The following MRPS34 variants were observed in gnomAD, a reference collection of about 807,000 sequenced individuals.
The protein encoded by MRPS34 is small ribosomal subunit protein mS34.
A neutral mutation model predicts 13.3 loss-of-function variants in MRPS34; 12 were observed. That is an observed-to-expected ratio of 0.90 (90% CI 0.58 to 1.46). The LOEUF (loss-of-function observed/expected upper bound fraction) is 1.46, where lower values mean the gene tolerates loss of function less well. Among genes scored for constraint, MRPS34 ranks in the 40% most tolerant of loss-of-function variants. The pLI is 0.00. For synonymous variants in MRPS34, 181 were observed against 149.3 expected (o/e 1.21, Z -1.55); for missense variants, 419 against 335.3 (o/e 1.25, Z -1.95).
In MRPS34 at chr16:1,772,404, T is replaced by C; in HGVS notation, c.474A>G (p.Glu158=). The C allele has an allele frequency of 6.2e-7, 1 of 1,611,936 alleles. No homozygotes were observed. Among genetic ancestry groups the C allele is most frequent in the Non-Finnish European group, 8.5e-7 (1 of 1,179,968 alleles). ...GGTACGGCACGGAGGCCAGGCTGTC[T>C]TCCGGCGCCGGCGTGAACGCGGTGA... is the stretch of plus-strand genomic sequence containing the variant. ...EAFTAFTPAP[E]DSLASVPYPP... Residue 158 remains glutamate, a synonymous_variant, in exon 3 of 3, where the codon GAA becomes GAG. Coordinates refer to ENST00000397375, the MANE Select transcript of MRPS34 (RefSeq NM_023936.2).
In MRPS34 at chr16:1,772,066, C is replaced by T. The variant is rs1463043647; in HGVS notation, c.*155G>A. 2.5e-6 allele frequency: 2 copies of T among 812,340 alleles called. No individual in the cohort carries two copies. Among genetic ancestry groups the T allele is most frequent in the Admixed American group, 2.4e-5 (1 of 42,508 alleles). The allele number at this position is 812,340 out of a possible 1,614,324, so 50.3% of individuals were successfully genotyped here. A position where few individuals can be genotyped will look rare whatever the true frequency, so the allele number is the denominator to read the frequency against. On this transcript the variant is annotated 3_prime_UTR_variant, in exon 3 of 3. Transcript: ENST00000397375. ...GGCACAGGTGGCGATTTGCCCCAGC[C>T]CTCCCCCCTAAGATGCAGACCCTCA...
At position 1,772,479 on chromosome 16, in the gene MRPS34, G is replaced by T. The variant is rs1291905705; in HGVS notation, c.399C>A (p.His133Gln). Residue 133 changes from histidine to glutamine, a missense_variant, in exon 3 of 3, where the codon CAC becomes CAA. His to Gln is a conservative substitution (Grantham distance 24). Coordinates refer to ENST00000397375, the MANE Select transcript of MRPS34 (RefSeq NM_023936.2). ...CCAGCCGCCAGTCATGGTACATGAC[G>T]TGTTCGATCTCCCGCGCCTCGCTCT... Reference protein sequence around the residue: ...KTESEAREIEHVMYHDWRLVP... With the variant: ...KTESEAREIEQVMYHDWRLVP... 5 of 1,611,652 alleles carry T rather than the reference G, an allele frequency of 3.1e-6. No individual in the cohort carries two copies. Among genetic ancestry groups the T allele is most frequent in the Non-Finnish European group, 3.4e-6 (4 of 1,179,400 alleles).
chr16:1,773,082 T>G lies in MRPS34; in HGVS notation c.38A>C (p.Glu13Ala). The G allele has an allele frequency of 1.4e-6, 2 of 1,411,306 alleles. No individual in the cohort carries two copies. The highest frequency in any genetic ancestry group is 1.8e-6 in the Non-Finnish European group (2 of 1,086,496). The allele number at this position is 1,411,306 out of a possible 1,614,324, so 87.4% of individuals were successfully genotyped here. The change falls in exon 1 of 3, where the codon GAG (glutamate) becomes GCG (alanine). Residue 13 changes from glutamate to alanine, a missense_variant. By Grantham distance (107) the Glu-to-Ala change is moderately radical. Transcript: ENST00000397375. Reference protein sequence around the residue: ...RKKVRPRLIAELARRVRALRE... With the variant: ...RKKVRPRLIAALARRVRALRE... ...CAGGGCGCGCACGCGGCGGGCCAGCTCCGCGATCAGCCGCGGACGCACCTT... is the reference window on the plus strand; with the variant it reads ...CAGGGCGCGCACGCGGCGGGCCAGCGCCGCGATCAGCCGCGGACGCACCTT...
In MRPS34 at chr16:1,773,039, C is replaced by G. The variant is rs1427890180; in HGVS notation, c.81G>C (p.Arg27Ser). 1.9e-5 allele frequency: 27 copies of G among 1,435,908 alleles called. No individual in the cohort carries two copies. Among genetic ancestry groups the G allele is most frequent in the Non-Finnish European group, 2.5e-5 (27 of 1,096,352 alleles). The allele number at this position is 1,435,908 out of a possible 1,614,324, so 88.9% of individuals were successfully genotyped here. The change falls in exon 1 of 3, where the codon AGG (arginine) becomes AGC (serine). Residue 27 changes from arginine to serine, a missense_variant. Coordinates refer to ENST00000397375, the MANE Select transcript of MRPS34 (RefSeq NM_023936.2). ...CCGCGTAGAGCTGGGAGTCGCGCGGCCTGTTCAGTTGCTCCCGCAGGGCGC... is the reference window on the plus strand; with the variant it reads ...CCGCGTAGAGCTGGGAGTCGCGCGGGCTGTTCAGTTGCTCCCGCAGGGCGC... ...RVRALREQLN[R>S]PRDSQLYAVD...
At position 1,772,324 on chromosome 16, in the gene MRPS34, C is replaced by T; in HGVS notation, c.554G>A (p.Ser185Asn). The change falls in exon 3 of 3, where the codon AGC becomes AAC. Residue 185 changes from serine (S) to asparagine (N), a missense_variant. Coordinates refer to ENST00000397375, the MANE Select transcript of MRPS34 (RefSeq NM_023936.2). ...CACATTCAGCATGGGCTCCTCGGTG[C>T]TTGTGTCTCCATTTTTCTGTCGTTC... is the stretch of plus-strand genomic sequence containing the variant. ...IAERQKNGDT[S>N]TEEPMLNVQR... The T allele has an allele frequency of 6.2e-7, 1 of 1,613,116 alleles. No individual in the cohort carries two copies. The highest frequency in any genetic ancestry group is 1.7e-5 in the Admixed American group (1 of 60,030).
At position 1,772,838 on chromosome 16, in the gene MRPS34, G is replaced by T; in HGVS notation, c.282C>A (p.Tyr94Ter). The change falls in exon 1 of 3, where the codon TAC becomes TAA. Residue 94 changes from tyrosine (Y) to a stop codon, truncating the protein, a stop_gained. Transcript: ENST00000397375. LOFTEE classifies it high-confidence loss of function. ...SWLWQHDEPCYWRLTRVRPDY... is the reference protein window; with the variant it reads ...SWLWQHDEPC ...CGGGCCGCACCCGCGTGAGGCGCCA[G>T]TAGCACGGCTCGTCGTGCTGCCACA... 1 of 1,444,476 alleles carries T rather than the reference G, an allele frequency of 6.9e-7. No individual in the cohort carries two copies. The highest frequency in any genetic ancestry group is 1.4e-5 in the South Asian group (1 of 69,734). The allele number at this position is 1,444,476 out of a possible 1,614,324, so 89.5% of individuals were successfully genotyped here.
At position 1,772,236 on chromosome 16, in the gene MRPS34, C is replaced by T. The variant is rs149572684; in HGVS notation, c.642G>A (p.Lys214=). The stretch of plus-strand genomic sequence containing the variant: ...TTCTGGCATTCTAGACGGGGGTGCC[C>T]TTGGCCCTTCCTTTGTCTTCCTGTT... The part of the protein sequence containing the change: ...PAKQEDKGRA[K]GTPV The change falls in exon 3 of 3, where the codon AAG becomes AAA. Residue 214 remains lysine (K), a synonymous_variant. Transcript: ENST00000397375. 1.2e-6 allele frequency: 2 copies of T among 1,607,768 alleles called. No individual in the cohort carries two copies. Among genetic ancestry groups the T allele is most frequent in the Non-Finnish European group, 1.7e-6 (2 of 1,178,896 alleles).
At position 1,772,598 on chromosome 16, in the gene MRPS34, C is replaced by G; in HGVS notation, c.364+6G>C. 6.2e-7 allele frequency: 1 copy of G among 1,612,116 alleles called. No individual in the cohort carries two copies. The highest frequency in any genetic ancestry group is 1.1e-5 in the South Asian group (1 of 91,090). ...ACTGCCGGGCACCCGCTCTCCCGAG[C>G]CTTACCTTTGAAGGTCAGGATGCCC... On this transcript the variant is annotated splice_donor_region_variant and intron_variant, in intron 2 of 2. Transcript: ENST00000397375.
Position 1,773,039 on chromosome 16 carries a change from C to T in MRPS34, c.81G>A (p.Arg27=), listed in dbSNP as rs1427890180. Residue 27 remains arginine, a synonymous_variant, in exon 1 of 3, where the codon AGG becomes AGA. Transcript: ENST00000397375. ...RVRALREQLN[R]PRDSQLYAVD... ...CCGCGTAGAGCTGGGAGTCGCGCGG[C>T]CTGTTCAGTTGCTCCCGCAGGGCGC... The T allele has an allele frequency of 1.1e-5, 16 of 1,435,908 alleles. No individual in the cohort carries two copies. In the African/African-American group the frequency reaches 1.4e-4, roughly 12 times the overall value. The allele number at this position is 1,435,908 out of a possible 1,614,324, so 88.9% of individuals were successfully genotyped here.
chr16:1,772,012 G>T lies in MRPS34; in HGVS notation c.*209C>A. On this transcript the variant is annotated 3_prime_UTR_variant, in exon 3 of 3. Transcript: ENST00000397375. ...TTCCCCAGCGTGGGCCCTCGGAGTT[G>T]GGTGTGGGGGCAGCAGGGCCAGAGG... is the stretch of plus-strand genomic sequence containing the variant. 1.7e-6 allele frequency: 1 copy of T among 603,558 alleles called. No homozygotes were observed. The highest frequency in any genetic ancestry group is 2.9e-6 in the Non-Finnish European group (1 of 342,678). The allele number at this position is 603,558 out of a possible 1,614,324, so 37.4% of individuals were successfully genotyped here. A position where few individuals can be genotyped will look rare whatever the true frequency, so the allele number is the denominator to read the frequency against.
In MRPS34 at chr16:1,772,227, G is replaced by C; in HGVS notation, c.651C>G (p.Pro217=). The change falls in exon 3 of 3, where the codon CCC becomes CCG. Residue 217 remains proline, a synonymous_variant. Coordinates refer to ENST00000397375, the MANE Select transcript of MRPS34 (RefSeq NM_023936.2). Reference sequence around the variant, plus strand: ...ACCCGCTGGTTCTGGCATTCTAGACGGGGGTGCCCTTGGCCCTTCCTTTGT... The same window carrying C: ...ACCCGCTGGTTCTGGCATTCTAGACCGGGGTGCCCTTGGCCCTTCCTTTGT... ...QEDKGRAKGT[P]V 6.2e-7 allele frequency: 1 copy of C among 1,602,476 alleles called. No homozygotes were observed. Among genetic ancestry groups the C allele is most frequent in the Non-Finnish European group, 8.5e-7 (1 of 1,175,556 alleles).
chr16:1,773,106 T>G lies in MRPS34; in HGVS notation c.14A>C (p.Lys5Thr). 7.9e-6 allele frequency: 11 copies of G among 1,398,742 alleles called. No homozygotes were observed. The highest frequency in any genetic ancestry group is 1.0e-5 in the Non-Finnish European group (11 of 1,081,758). The allele number at this position is 1,398,742 out of a possible 1,614,324, so 86.6% of individuals were successfully genotyped here. A position where few individuals can be genotyped will look rare whatever the true frequency, so the allele number is the denominator to read the frequency against. MARK[K>T]VRPRLIAELA... ...CTCCGCGATCAGCCGCGGACGCACCTTCTTCCGCGCCATGGCGGGTCCGCG... is the reference window on the plus strand; with the variant it reads ...CTCCGCGATCAGCCGCGGACGCACCGTCTTCCGCGCCATGGCGGGTCCGCG... The change falls in exon 1 of 3, where the codon AAG becomes ACG. Residue 5 changes from lysine to threonine, a missense_variant. By Grantham distance (78) the Lys-to-Thr change is moderately conservative (BLOSUM62 -1). Transcript: ENST00000397375.
Position 1,772,758 on chromosome 16 carries a change from C to A in MRPS34, c.321+41G>T, listed in dbSNP as rs1567225545. 2.0e-6 allele frequency: 3 copies of A among 1,516,696 alleles called. No individual in the cohort carries two copies. The East Asian group carries it at 7.2e-5, about 37-fold the overall frequency. 94.0% of individuals were successfully genotyped at this position (1,516,696 alleles called of 1,614,324 possible). ...CAGGGAGGAGGGGAGGCGGGGAGAC[C>A]AGGCGGCTGCAGGGGCGGGGTGCGG... On this transcript the variant is annotated intron_variant, in intron 1 of 2. Transcript: ENST00000397375.
rs778740150 is a variant in MRPS34, at chr16:1,772,597, G to A, written c.364+7C>T. ...AACTGCCGGGCACCCGCTCTCCCGA[G>A]CCTTACCTTTGAAGGTCAGGATGCC... On this transcript the variant is annotated splice_region_variant and intron_variant, in intron 2 of 2. Transcript: ENST00000397375. 2.5e-6 allele frequency: 4 copies of A among 1,612,016 alleles called. No individual in the cohort carries two copies. The highest frequency in any genetic ancestry group is 3.4e-6 in the Non-Finnish European group (4 of 1,179,944).
rs767286012 is a variant in MRPS34, at chr16:1,772,256, C to T, written c.622G>A (p.Glu208Lys). Residue 208 changes from glutamate (E) to lysine (K), a missense_variant, in exon 3 of 3, where the codon GAA becomes AAA. Transcript: ENST00000397375. ...MEPWDYPAKQ[E>K]DKGRAKGTPV is the part of the protein sequence containing the mutation. Reference sequence around the variant, plus strand: ...GTGCCCTTGGCCCTTCCTTTGTCTTCCTGTTTTGCAGGGTAATCCCAGGGT... The same window carrying T: ...GTGCCCTTGGCCCTTCCTTTGTCTTTCTGTTTTGCAGGGTAATCCCAGGGT... 5.6e-6 allele frequency: 9 copies of T among 1,611,050 alleles called. No individual in the cohort carries two copies. Among genetic ancestry groups the T allele is most frequent in the African/African-American group, 4.0e-5 (3 of 74,940 alleles).
chr16:1,772,950 T>G lies in MRPS34; in HGVS notation c.170A>C (p.Asp57Ala). ...GRRLPVRAWA[D>A]VRRESRLLQL... is the part of the protein sequence containing the mutation. ...CAAGAGGCGGCTCTCGCGGCGCACGTCGGCCCAGGCCCGGACCGGCAGCCG... is the reference window on the plus strand; with the variant it reads ...CAAGAGGCGGCTCTCGCGGCGCACGGCGGCCCAGGCCCGGACCGGCAGCCG... Residue 57 changes from aspartate to alanine, a missense_variant, in exon 1 of 3, where the codon GAC becomes GCC. Asp to Ala is a moderately radical substitution (Grantham distance 126, BLOSUM62 -2). Transcript: ENST00000397375. 1 of 1,448,364 alleles carries G rather than the reference T, an allele frequency of 6.9e-7. No individual in the cohort carries two copies. The highest frequency in any genetic ancestry group is 9.0e-7 in the Non-Finnish European group (1 of 1,105,866). 89.7% of individuals were successfully genotyped at this position (1,448,364 alleles called of 1,614,324 possible).
In MRPS34 at chr16:1,772,755, G is replaced by C. The variant is rs1226910401; in HGVS notation, c.321+44C>G. 2.0e-6 allele frequency: 3 copies of C among 1,525,564 alleles called. No individual in the cohort carries two copies. The South Asian group carries it at 3.6e-5, about 18-fold the overall frequency. 94.5% of individuals were successfully genotyped at this position (1,525,564 alleles called of 1,614,324 possible). A position where few individuals can be genotyped will look rare whatever the true frequency, so the allele number is the denominator to read the frequency against. On this transcript the variant is annotated intron_variant, in intron 1 of 2. Transcript: ENST00000397375. Reference sequence around the variant, plus strand: ...CTGCAGGGAGGAGGGGAGGCGGGGAGACCAGGCGGCTGCAGGGGCGGGGTG... The same window carrying C: ...CTGCAGGGAGGAGGGGAGGCGGGGACACCAGGCGGCTGCAGGGGCGGGGTG...
In MRPS34 at chr16:1,772,384, G is replaced by C. The variant is rs769531720; in HGVS notation, c.494C>G (p.Pro165Arg). Residue 165 changes from proline to arginine, a missense_variant, in exon 3 of 3, where the codon CCG (proline) becomes CGG (arginine). Pro to Arg is a moderately radical substitution (Grantham distance 103, BLOSUM62 -2). Transcript: ENST00000397375. ...PAPEDSLASV[P>R]YPPLLRAMII... ...CATGGCCCGGAGGAGAGGCGGGTAC[G>C]GCACGGAGGCCAGGCTGTCTTCCGG... is the stretch of plus-strand genomic sequence containing the variant. The C allele has an allele frequency of 5.6e-6, 9 of 1,611,944 alleles. No homozygotes were observed. Among genetic ancestry groups the C allele is most frequent in the East Asian group, 4.5e-5 (2 of 44,864 alleles).
At position 1,772,979 on chromosome 16, in the gene MRPS34, T is replaced by G. The variant is rs1188310963; in HGVS notation, c.141A>C (p.Gly47=). The G allele has an allele frequency of 2.1e-6, 3 of 1,449,406 alleles. No homozygotes were observed. Among genetic ancestry groups the G allele is most frequent in the African/African-American group, 3.0e-5 (2 of 66,896 alleles). The allele number at this position is 1,449,406 out of a possible 1,614,324, so 89.8% of individuals were successfully genotyped here. ...CCCAGGCCCGGACCGGCAGCCGGCGTCCAGAGAACGGCCGCGTCAAGGTCT... is the reference window on the plus strand; with the variant it reads ...CCCAGGCCCGGACCGGCAGCCGGCGGCCAGAGAACGGCCGCGTCAAGGTCT... ...DYETLTRPFS[G]RRLPVRAWAD... is the part of the protein sequence containing the mutation. The change falls in exon 1 of 3, where the codon GGA becomes GGC. Residue 47 remains glycine, a synonymous_variant. Coordinates refer to ENST00000397375, the MANE Select transcript of MRPS34 (RefSeq NM_023936.2).
Sources: gnomAD v4.1 joint callset for allele counts on GRCh38, gnomAD v4.1.1 for gene constraint, MANE v1.5 for transcripts, NCBI Gene and HGNC (gene_info 2026-07-23, HGNC 2026-07-21) for gene names.